MICU3: variants seen among roughly 807,000 people sequenced by gnomAD.
The protein encoded by MICU3 is mitochondrial calcium uptake 3.
Under a neutral mutation model 66.5 loss-of-function variants are expected in MICU3, and 62 were observed. The ratio of observed to expected loss-of-function variants is 0.93; its 90% CI spans 0.76 to 1.15. The LOEUF (loss-of-function observed/expected upper bound fraction) is 1.15, where lower values mean the gene tolerates loss of function less well. MICU3 is among the 50% of genes most tolerant of loss of function. The pLI, the probability that MICU3 is intolerant of heterozygous loss-of-function variation, is 0.00. For missense variants in MICU3, 779 were observed against 664.4 expected (o/e 1.17, Z -1.90); for synonymous variants, 308 against 240.7 (o/e 1.28, Z -2.59).
the MICU3 span, among the ~76,000 whole-genome samples, chr8:17,136,614 G>C: frequency 8.6e-5 from 13 of 152,012 alleles, no homozygotes; most frequent in Non-Finnish European, 1.6e-4. Context: ...GCTACCCTCT[G>C]TCTTGCCAAG....
intron 2 of MICU3, among the ~76,000 whole-genome samples, chr8:17,068,384 C>T (rs9325804): frequency 0.61 from 92,898 of 152,054 alleles, 30,316 homozygotes; most frequent in East Asian, 0.85. Flanking sequence ...ACTTCCTCTT[C>T]CGATAAATAC....
At chr8:17,050,207 T>G (rs1045793030) in intron 1 of MICU3, among the ~76,000 whole-genome samples, 1 of 152,192 alleles carries the variant, frequency 6.6e-6, no homozygotes, top group African/African-American at 2.4e-5. Flanking sequence ...ACGCTAAGAT[T>G]TACTTCTACA....
intron 1 of MICU3, among the ~76,000 whole-genome samples, chr8:17,028,100 T>A (rs1465104588): frequency 1.3e-5 from 2 of 152,144 alleles, no homozygotes; most frequent in Non-Finnish European, 2.9e-5. Context: ...CAAAAGCCAC[T>A]ACTTTAGCAT....
chr8:17,135,982 C>T, the MICU3 span, among the ~76,000 whole-genome samples: 1 of 152,080 alleles, frequency 6.6e-6, no homozygotes, highest in African/African-American at 2.4e-5. Context: ...GTTGACTTCT[C>T]TATGTTAGCT....
chr8:17,092,375 C>T (rs905344372), intron 8 of MICU3, among the ~76,000 whole-genome samples: 1 of 151,882 alleles, frequency 6.6e-6, no homozygotes, highest in Non-Finnish European at 1.5e-5. Context: ...ACTACATATG[C>T]AAATTGCAGT....
At chr8:17,027,831 T>G (rs1811280538) in intron 1 of MICU3, among the ~76,000 whole-genome samples, 171 bp downstream of exon 1, 1 of 152,162 alleles carries the variant, frequency 6.6e-6, no homozygotes, top group South Asian at 2.1e-4. Context: ...GTCACCCACG[T>G]ATTGGGAAGA....
At chr8:17,086,632 A>T (rs573128430) in intron 6 of MICU3, among the ~76,000 whole-genome samples, 2 of 152,132 alleles carry the variant, frequency 1.3e-5, no homozygotes, top group Non-Finnish European at 2.9e-5. Flanking sequence ...TTCTATGTCC[A>T]TACTGCCAAG....
downstream of MICU3, among the ~76,000 whole-genome samples, chr8:17,127,018 G>A (rs1803421502): frequency 6.6e-6 from 1 of 152,188 alleles, no homozygotes; most frequent in African/African-American, 2.4e-5. Flanking sequence ...ATTTAGGAAT[G>A]AAGCAAGTAG....
intron 5 of MICU3, among the ~76,000 whole-genome samples, chr8:17,083,968 A>G (rs1382906543): frequency 6.6e-6 from 1 of 152,238 alleles, no homozygotes; most frequent in South Asian, 2.1e-4. Context: ...AAAAACATAC[A>G]TAGTGCGTTT....
chr8:17,048,799 TGTA>T (rs1449548642), intron 1 of MICU3, among the ~76,000 whole-genome samples: 1 of 151,980 alleles, frequency 6.6e-6, no homozygotes, highest in East Asian at 1.9e-4. Context: ...TTAAAAAAAT[TGTA>T]GAGACAGGTT....
chr8:17,067,466 G>A (rs1666671611), intron 2 of MICU3, among the ~76,000 whole-genome samples: 1 of 151,136 alleles, frequency 6.6e-6, no homozygotes, highest in Admixed American at 6.6e-5. Context: ...GACTCGCTCT[G>A]TCAACTAGGC....
intron 9 of MICU3, among the ~76,000 whole-genome samples, chr8:17,103,278 A>C (rs1801435227): frequency 6.6e-6 from 1 of 151,918 alleles, no homozygotes; most frequent in African/African-American, 2.4e-5. Flanking sequence ...GAGGAATTAA[A>C]GGAATATGAA....
chr8:17,128,318 A>C, the MICU3 span, among the ~76,000 whole-genome samples: 1 of 152,208 alleles, frequency 6.6e-6, no homozygotes. Flanking sequence ...CATGATAATC[A>C]AGCATAAACT....
chr8:17,058,960 A>T (rs540056636), intron 1 of MICU3, among the ~76,000 whole-genome samples: 8 of 152,356 alleles, frequency 5.3e-5, no homozygotes, highest in African/African-American at 1.9e-4. Context: ...GTTTTGTCCT[A>T]AAACAGTTTT....
intron 3 of MICU3, among the ~76,000 whole-genome samples, chr8:17,073,593 C>T (rs1819930188): frequency 6.6e-6 from 1 of 152,154 alleles, no homozygotes; most frequent in African/African-American, 2.4e-5. Flanking sequence ...ATGTAATGCA[C>T]TTGAATCATC....
chr8:17,032,307 C>A lies in MICU3; in HGVS notation c.381+4647C>A, dbSNP rs112783922. Among the ~76,000 whole-genome samples the A allele has an allele frequency of 1.1e-3, 166 of 152,100 alleles. 2 individuals are homozygous for A. Among genetic ancestry groups the A allele is most frequent in the African/African-American group, 3.8e-3 (156 of 41,480 alleles). On this transcript the variant is annotated intron_variant, in intron 1 of 14. Transcript: ENST00000318063. ...TATAAAGAGATGATTCTGATTAGAA[C>A]CTCAAAGTTTTAGCCTTAAAGCACT...
intron 1 of MICU3, among the ~76,000 whole-genome samples, chr8:17,041,130 A>G (rs898296401): frequency 5.3e-5 from 8 of 152,198 alleles, no homozygotes; most frequent in Non-Finnish European, 8.8e-5. Flanking sequence ...AAAAATCATA[A>G]GAATGGATGA....
At chr8:17,041,733 A>T (rs1316902024) in intron 1 of MICU3, among the ~76,000 whole-genome samples, 1 of 152,170 alleles carries the variant, frequency 6.6e-6, no homozygotes, top group African/African-American at 2.4e-5. Context: ...AGCCCAAGGA[A>T]AGAGTTTAAT....
intron 3 of MICU3, among the ~76,000 whole-genome samples, chr8:17,070,368 A>C (rs2150671462): frequency 6.6e-6 from 1 of 152,302 alleles, no homozygotes; most frequent in Admixed American, 6.5e-5. Context: ...GAAAATAAGC[A>C]GTTCAAAAAT....
Sources: allele counts gnomAD v4.1 joint callset (sites outside exome capture counted in the v4.1 genomes callset), GRCh38; gene constraint gnomAD v4.1.1; transcripts MANE v1.5; gene names NCBI Gene and HGNC (gene_info 2026-07-23, HGNC 2026-07-21).